The following WWOX variants were observed in gnomAD, a reference collection of about 807,000 sequenced individuals.
The protein encoded by WWOX is WW domain-containing oxidoreductase.
In WWOX, 69 loss-of-function variants were observed where a neutral mutation model predicts 46.2. That is an observed-to-expected ratio of 1.49 (90% confidence interval 1.23 to 1.82). WWOX has a LOEUF of 1.82. WWOX is among the 40% of genes most tolerant of loss of function. WWOX has a pLI of 0.00. For missense variants in WWOX, 919 were observed against 542.6 expected, an observed-to-expected ratio of 1.69 and a Z score of -6.89; for synonymous variants, 359 against 202.6, an observed-to-expected ratio of 1.77 and a Z score of -6.56.
At chr16:78,823,579 G>T (rs113154860) in intron 8 of WWOX, among the ~76,000 whole-genome samples, 5 of 152,054 alleles carry the variant, frequency 3.3e-5, no homozygotes, top group African/African-American at 4.8e-5. Flanking sequence ...TTTAATAAAG[G>T]CTTCATCTGA....
At chr16:79,210,638 C>G (rs2051698786) in intron 8 of WWOX, among the ~76,000 whole-genome samples, 1 of 152,132 alleles carries the variant, frequency 6.6e-6, no homozygotes, top group Non-Finnish European at 1.5e-5. Context: ...TCATAAGATG[C>G]CAGATAAACT....
At chr16:78,207,496 C>CT (rs556761067) in intron 5 of WWOX, among the ~76,000 whole-genome samples, 8,118 of 142,284 alleles carry the variant, frequency 0.057, 307 homozygotes, top group Non-Finnish European at 0.082. Context: ...ATCTCCCTTA[C>CT]TTTTTTTTTT....
chr16:78,904,219 T>C (rs900916528), intron 8 of WWOX, among the ~76,000 whole-genome samples: 1 of 149,882 alleles, frequency 6.7e-6, no homozygotes, highest in East Asian at 2.0e-4. Flanking sequence ...ATCACTTAGA[T>C]GATCTTATAA....
intron 8 of WWOX, among the ~76,000 whole-genome samples, chr16:78,857,440 T>G (rs983168588): frequency 1.3e-5 from 2 of 152,172 alleles, no homozygotes; most frequent in Non-Finnish European, 2.9e-5. Context: ...GAACCTTTTT[T>G]TCCATGATGC....
intron 8 of WWOX, among the ~76,000 whole-genome samples, chr16:78,868,559 C>G (rs779202267): frequency 2.0e-5 from 3 of 152,086 alleles, no homozygotes; most frequent in Non-Finnish European, 2.9e-5. Context: ...AAAATGAATT[C>G]CAGGACCATT....
rs554992196 is a variant in WWOX at position 79,122,748 on chromosome 16, G to A, written c.1057-88860G>A. Among the ~76,000 whole-genome samples, 156 of 152,278 alleles carry A rather than the reference G, an allele frequency of 1.0e-3. 1 individual carries two copies. The highest frequency in any genetic ancestry group is 1.4e-3 in the Non-Finnish European group (95 of 68,032). On this transcript the variant is annotated intron_variant, in intron 8 of 8. Coordinates refer to ENST00000566780, the MANE Select transcript of WWOX (RefSeq NM_016373.4). Reference sequence around the variant, plus strand: ...GTACAGCTAAGCTGAATGGTGAAAGGCCCAGATTTAGTTCTCATTGTAGGA... The same window carrying A: ...GTACAGCTAAGCTGAATGGTGAAAGACCCAGATTTAGTTCTCATTGTAGGA...
At chr16:78,986,675 C>T (rs2046790702) in intron 8 of WWOX, among the ~76,000 whole-genome samples, 2 of 152,204 alleles carry the variant, frequency 1.3e-5, no homozygotes, top group Admixed American at 1.3e-4. Context: ...CTTGAATTCT[C>T]TTTAATAGAG....
intron 5 of WWOX, among the ~76,000 whole-genome samples, chr16:78,201,934 C>T (rs1266313841): frequency 1.3e-5 from 2 of 152,046 alleles, no homozygotes; most frequent in East Asian, 1.9e-4. Context: ...CTCCTAAACT[C>T]AGGCAGTCCA....
chr16:78,721,536 G>T (rs1420970181), intron 8 of WWOX, among the ~76,000 whole-genome samples: 1 of 152,162 alleles, frequency 6.6e-6, no homozygotes, highest in Non-Finnish European at 1.5e-5. Flanking sequence ...CAGAGTATTT[G>T]CTCTTCTTTA....
intron 4 of WWOX, among the ~76,000 whole-genome samples, chr16:78,132,236 A>G (rs553093700): frequency 6.8e-6 from 1 of 147,060 alleles, no homozygotes; most frequent in Non-Finnish European, 1.5e-5. Flanking sequence ...CCGTGTTAGC[A>G]AGGATGGTCT....
chr16:79,175,015 C>G (rs528652375), intron 8 of WWOX, among the ~76,000 whole-genome samples: 1 of 152,170 alleles, frequency 6.6e-6, no homozygotes, highest in African/African-American at 2.4e-5. Context: ...CATACCGTGT[C>G]TTATTAACTT....
chr16:78,502,053 C>T (rs879476193), intron 8 of WWOX, among the ~76,000 whole-genome samples: 1 of 152,140 alleles, frequency 6.6e-6, no homozygotes, highest in Non-Finnish European at 1.5e-5. Flanking sequence ...GGGTTTTAGC[C>T]AACTTCTCTG....
intron 5 of WWOX, among the ~76,000 whole-genome samples, chr16:78,293,978 GAAAAAAAAAAAAAAAAAAAA>G (rs35079271): frequency 3.3e-5 from 1 of 30,312 alleles, no homozygotes; most frequent in Non-Finnish European, 6.7e-5. Context: ...CTCTGTCTCA[GAAAAAAAAAAAAAAAAAAAA>G]AAAAAAAAAA....
rs1173260054 is a variant in WWOX, at chr16:78,641,625, T to C, written c.1056+208873T>C. 2.6e-5 allele frequency among the ~76,000 whole-genome samples: 4 copies of C among 152,272 alleles called. No individual in the cohort carries two copies. In the East Asian group the frequency reaches 5.8e-4, roughly 22 times the overall value. On this transcript the variant is annotated intron_variant, in intron 8 of 8. Transcript: ENST00000566780. ...GAGCCTTCATCTGTTTTCCTGCAGA[T>C]GCCCGGCTCGTGGTTAACCCAAGCA...
chr16:78,176,324 T>C (rs1213893436), intron 5 of WWOX, among the ~76,000 whole-genome samples: 4 of 152,180 alleles, frequency 2.6e-5, no homozygotes, highest in South Asian at 4.1e-4. Context: ...CTTTTTATTA[T>C]TGAAGCTTGG....
intron 8 of WWOX, among the ~76,000 whole-genome samples, chr16:78,476,452 G>C (rs893230640): frequency 2.0e-5 from 3 of 152,104 alleles, no homozygotes; most frequent in Non-Finnish European, 2.9e-5. Flanking sequence ...ACCGGGGCCT[G>C]TTGTGGGGTG....
At chr16:78,528,620 C>G (rs1350345546) in intron 8 of WWOX, among the ~76,000 whole-genome samples, 1 of 152,174 alleles carries the variant, frequency 6.6e-6, no homozygotes, top group African/African-American at 2.4e-5. Flanking sequence ...ACCCATTTAT[C>G]TCAGGCTTAA....
intron 3 of WWOX, among the ~76,000 whole-genome samples, chr16:78,111,574 TCCTTTCCTTGGAGGAGTCA>T (rs2032493194): frequency 6.6e-6 from 1 of 152,150 alleles, no homozygotes; most frequent in Non-Finnish European, 1.5e-5. Flanking sequence ...AAAGGGAGTC[TCCTTTCCTTGGAGGAGTCA>T]GGGAACACTC....
At chr16:79,133,536 T>A (rs1567572801) in intron 8 of WWOX, among the ~76,000 whole-genome samples, 2 of 152,360 alleles carry the variant, frequency 1.3e-5, no homozygotes, top group Middle Eastern at 3.4e-3. Flanking sequence ...TCCTTAAATG[T>A]TCTTTTCTTT....
Sources: gnomAD v4.1 joint callset for allele counts (sites outside exome capture counted in the v4.1 genomes callset) on GRCh38, gnomAD v4.1.1 for gene constraint, MANE v1.5 for transcripts, NCBI Gene and HGNC (gene_info 2026-07-23, HGNC 2026-07-21) for gene names.